The following EXTL3 variants were observed in gnomAD, a reference collection of about 807,000 sequenced individuals.
EXTL3 encodes the protein exostosin-like 3.
EXTL3 carries 27 observed loss-of-function variants against 69.3 expected under a neutral mutation model. The observed-to-expected ratio is 0.39, with a 90% confidence interval of 0.29 to 0.54. The LOEUF (loss-of-function observed/expected upper bound fraction) is 0.54. Among genes scored for constraint, EXTL3 ranks in the 20% least tolerant of loss-of-function variants. EXTL3 has a pLI of 0.69. For missense variants in EXTL3, 1,003 were observed against 1,231.8 expected (o/e 0.81, Z 2.78); for synonymous variants, 511 against 499.4 (o/e 1.02, Z -0.31).
intron 1 of EXTL3, among the ~76,000 whole-genome samples, chr8:28,655,355 A>C (rs1419594950): frequency 6.6e-6 from 1 of 152,164 alleles, no homozygotes; most frequent in Non-Finnish European, 1.5e-5. Context: ...GTCAACTCAG[A>C]TTGAATACTT....
intron 4 of EXTL3, 54 bp from the exon 5 acceptor site, chr8:28,737,464 CT>C (rs567438704): frequency 1.9e-6 from 3 of 1,605,288 alleles, no homozygotes; most frequent in South Asian, 2.2e-5. Context: ...GTGAACACTT[CT>C]GATGACCCTA....
chr8:28,620,059 G>A (rs552545968), upstream of EXTL3, among the ~76,000 whole-genome samples: 1 of 144,302 alleles, frequency 6.9e-6, no homozygotes, highest in East Asian at 2.1e-4. Flanking sequence ...CTGTTTAGTA[G>A]AGACGGGGTT....
At chr8:28,738,068 A>G (rs188063369) in intron 5 of EXTL3, among the ~76,000 whole-genome samples, 8 of 152,250 alleles carry the variant, frequency 5.3e-5, no homozygotes, top group African/African-American at 1.9e-4. Flanking sequence ...CCCGGGCCCC[A>G]CGATGAGCCT....
At chr8:28,653,389 T>A (rs1002870601) in intron 1 of EXTL3, among the ~76,000 whole-genome samples, 2 of 152,228 alleles carry the variant, frequency 1.3e-5, no homozygotes, top group African/African-American at 4.8e-5. Context: ...GTTTAGTTTA[T>A]CTATATATTC....
intron 2 of EXTL3, among the ~76,000 whole-genome samples, chr8:28,608,877 AAAAC>A (rs1486821594): frequency 1.3e-5 from 2 of 152,068 alleles, no homozygotes; most frequent in East Asian, 3.8e-4. Context: ...AACAAAAACA[AAAAC>A]AAAAACACAC....
intron 1 of EXTL3, among the ~76,000 whole-genome samples, chr8:28,643,418 CT>C (rs1395744351): frequency 1.0e-5 from 1 of 100,258 alleles, no homozygotes; most frequent in Non-Finnish European, 2.1e-5. Context: ...CTTTTTTTTT[CT>C]TTTTTTCTTT....
chr8:28,608,945 G>C (rs1386329258), intron 2 of EXTL3, among the ~76,000 whole-genome samples: 1 of 152,094 alleles, frequency 6.6e-6, no homozygotes, highest in African/African-American at 2.4e-5. Context: ...AGCAATAAGA[G>C]CTGCGGAGAA....
chr8:28,705,411 A>T (rs935214115), intron 1 of EXTL3, among the ~76,000 whole-genome samples: 1 of 152,170 alleles, frequency 6.6e-6, no homozygotes, highest in Non-Finnish European at 1.5e-5. Context: ...GTGAAGGAGA[A>T]TGCCCGAGTC....
At chr8:28,722,321 G>A (rs1474787993) in intron 3 of EXTL3, among the ~76,000 whole-genome samples, 1 of 152,162 alleles carries the variant, frequency 6.6e-6, no homozygotes, top group African/African-American at 2.4e-5. Flanking sequence ...GATTTTTATG[G>A]AACTATGGGG....
In EXTL3 at chr8:28,754,911, G is replaced by A. The variant is rs1270333808; in HGVS notation, c.*4045G>A. On this transcript the variant is annotated 3_prime_UTR_variant, in exon 7 of 7. Coordinates refer to ENST00000220562, the MANE Select transcript of EXTL3 (RefSeq NM_001440.4). ...GACCCCCATCTCTACAAAAAAATTA[G>A]AATGTTATGAAGATACTGAAAAGAA... The A allele has an allele frequency of 6.6e-6, 1 of 152,206 alleles. No homozygotes were observed. Among genetic ancestry groups the A allele is most frequent in the Non-Finnish European group, 1.5e-5 (1 of 68,094 alleles). The allele number at this position is 152,206 out of a possible 1,614,324, so 9.4% of individuals were successfully genotyped here.
intron 1 of EXTL3, among the ~76,000 whole-genome samples, chr8:28,641,099 G>A (rs747354467): frequency 1.4e-4 from 21 of 152,152 alleles, no homozygotes; most frequent in Admixed American, 4.6e-4. Flanking sequence ...TGTGCTCCAC[G>A]GGTCGGGTTA....
rs1161502916 is a variant in EXTL3, at chr8:28,716,450, C to T, written c.391C>T (p.Leu131Phe). ...GAACGCCAAGCAGGACCTGCTCCAGCTCAAGAATGTCATCAGCCAGACCGA... is the reference window on the plus strand; with the variant it reads ...GAACGCCAAGCAGGACCTGCTCCAGTTCAAGAATGTCATCAGCCAGACCGA... ...IENAKQDLLQ[L>F]KNVISQTEHS... The change falls in exon 3 of 7, where the codon CTC becomes TTC. Residue 131 changes from leucine (L) to phenylalanine (F), a missense_variant. Physicochemically the swap from Leu to Phe is conservative, Grantham distance 22 (BLOSUM62 0). This residue lies in a region of EXTL3 where 742 missense variants were observed against 815.4 expected (regional missense o/e 0.91). Transcript: ENST00000220562. This position sits in a 1 kb window ranked among gnomAD's most constrained non-coding sequence, Gnocchi z 7.1. 4 of 1,613,834 alleles carry T rather than the reference C, an allele frequency of 2.5e-6. No individual in the cohort carries two copies. The highest frequency in any genetic ancestry group is 3.4e-6 in the Non-Finnish European group (4 of 1,179,980).
intron 1 of EXTL3, among the ~76,000 whole-genome samples, chr8:28,659,895 G>A (rs190612765): frequency 4.5e-4 from 69 of 152,228 alleles, no homozygotes; most frequent in South Asian, 1.2e-3. Flanking sequence ...ATTCTGCCTG[G>A]GGGTCCAGGG....
intron 5 of EXTL3, among the ~76,000 whole-genome samples, chr8:28,738,882 C>T (rs1318330673): frequency 1.3e-5 from 2 of 152,200 alleles, no homozygotes; most frequent in Non-Finnish European, 1.5e-5. Context: ...TCACCAAAGA[C>T]GGTGGCACCT....
intron 1 of EXTL3, among the ~76,000 whole-genome samples, chr8:28,655,759 A>C (rs1431852716): frequency 6.6e-6 from 1 of 152,082 alleles, no homozygotes; most frequent in Non-Finnish European, 1.5e-5. Context: ...CTCCCAAAGT[A>C]CTAGGATTGT....
At chr8:28,744,630 TA>T (rs1801847259) in intron 6 of EXTL3, among the ~76,000 whole-genome samples, 1 of 152,118 alleles carries the variant, frequency 6.6e-6, no homozygotes, top group Non-Finnish European at 1.5e-5. Context: ...TTGTCTCTAC[TA>T]AAAATATAAA....
chr8:28,743,655 A>T (rs1801824495), intron 6 of EXTL3, among the ~76,000 whole-genome samples: 1 of 152,096 alleles, frequency 6.6e-6, no homozygotes, highest in Non-Finnish European at 1.5e-5. Flanking sequence ...CACGGCAGTT[A>T]CTCCCTTTCC....
chr8:28,743,106 T>C lies in EXTL3; in HGVS notation c.2442T>C (p.Ser814=). The change falls in exon 6 of 7, where the codon TCT becomes TCC. Residue 814 remains serine (S), a synonymous_variant. Transcript: ENST00000220562. Reference sequence around the variant, plus strand: ...GACAGTATTATGCCTACCTGTATTCTTATGTGATGCCCCAGGCCATCCGGG... The same window carrying C: ...GACAGTATTATGCCTACCTGTATTCCTATGTGATGCCCCAGGCCATCCGGG... ...FFHKYYAYLY[S]YVMPQAIRDM... The C allele has an allele frequency of 6.2e-7, 1 of 1,614,196 alleles. No homozygotes were observed. Among genetic ancestry groups the C allele is most frequent in the Non-Finnish European group, 8.5e-7 (1 of 1,180,004 alleles).
intron 1 of EXTL3, among the ~76,000 whole-genome samples, chr8:28,636,002 G>A (rs1806648355): frequency 6.6e-6 from 1 of 152,052 alleles, no homozygotes; most frequent in African/African-American, 2.4e-5. Context: ...TTACAGGCAT[G>A]AGTCACTGCC....
Sources: allele counts gnomAD v4.1 joint callset (sites outside exome capture counted in the v4.1 genomes callset), GRCh38; gene constraint gnomAD v4.1.1; regional missense constraint gnomAD v4.1.1; non-coding constraint Gnocchi (gnomAD v3.1); transcripts MANE v1.5; gene names NCBI Gene and HGNC (gene_info 2026-07-23, HGNC 2026-07-21).